MAP2K4: variants seen among roughly 807,000 people sequenced by gnomAD.
MAP2K4 encodes the protein mitogen-activated protein kinase kinase 4, also known as dual specificity mitogen-activated protein kinase kinase 4.
In MAP2K4, 4 loss-of-function variants were observed where a neutral mutation model predicts 48.5. That is an observed-to-expected ratio of 0.08 (90% CI 0.04 to 0.19). The LOEUF (loss-of-function observed/expected upper bound fraction) is 0.19, where lower values mean the gene tolerates loss of function less well. MAP2K4 is among the 10% of genes least tolerant of loss of function. The pLI, the probability that MAP2K4 is intolerant of heterozygous loss-of-function variation, is 1.00. For missense variants in MAP2K4, 258 were observed against 493.3 expected, an observed-to-expected ratio of 0.52 and a Z score of 4.52; for synonymous variants, 166 against 173.1, an observed-to-expected ratio of 0.96 and a Z score of 0.32.
chr17:12,050,397 A>G (rs976360796), intron 1 of MAP2K4, among the ~76,000 whole-genome samples: 6 of 152,218 alleles, frequency 3.9e-5, no homozygotes, highest in African/African-American at 7.2e-5. Flanking sequence ...TTTGATGGAA[A>G]CAGACTTGAG....
intron 1 of MAP2K4, among the ~76,000 whole-genome samples, chr17:12,028,399 A>G (rs1969326876): frequency 6.6e-6 from 1 of 152,242 alleles, no homozygotes. Flanking sequence ...GAAAGTTGAC[A>G]TAAGGAAATC....
At chr17:12,032,362 A>G (rs1180694989) in intron 1 of MAP2K4, 1 of 777,042 alleles carries the variant, frequency 1.3e-6, no homozygotes, top group Non-Finnish European at 1.8e-6. Context: ...GGTATTGGGA[A>G]TGTGTCCACT....
intron 2 of MAP2K4, among the ~76,000 whole-genome samples, chr17:12,066,975 C>T (rs933469407): frequency 6.6e-6 from 1 of 152,186 alleles, no homozygotes; most frequent in Non-Finnish European, 1.5e-5. Flanking sequence ...CCGCGCCCGG[C>T]CCACATGGCT....
chr17:12,021,836 G>C (rs1293206147), intron 1 of MAP2K4, among the ~76,000 whole-genome samples: 1 of 152,128 alleles, frequency 6.6e-6, no homozygotes, highest in Non-Finnish European at 1.5e-5. Context: ...GGACATTTGA[G>C]GCAGCTCTGC....
intron 1 of MAP2K4, 28 bp from the exon 2 acceptor site, chr17:12,054,861 C>T: frequency 6.7e-7 from 1 of 1,493,320 alleles, no homozygotes; most frequent in Non-Finnish European, 9.3e-7. Context: ...GTACTTGAAA[C>T]TTTTACTTTT....
At chr17:12,128,453 TA>T (rs1428886996) in intron 8 of MAP2K4, among the ~76,000 whole-genome samples, 4 of 152,278 alleles carry the variant, frequency 2.6e-5, no homozygotes, top group African/African-American at 7.2e-5. Context: ...TATTAGAGAA[TA>T]TTTTTTTTTT....
At chr17:12,028,137 T>C (rs1412548094) in intron 1 of MAP2K4, among the ~76,000 whole-genome samples, 2 of 152,178 alleles carry the variant, frequency 1.3e-5, no homozygotes, top group Non-Finnish European at 2.9e-5. Context: ...GGAACATAAT[T>C]GTAAGTTACT....
At chr17:12,065,405 T>C (rs1050168665) in intron 2 of MAP2K4, among the ~76,000 whole-genome samples, 3 of 151,640 alleles carry the variant, frequency 2.0e-5, no homozygotes, top group African/African-American at 4.8e-5. Context: ...TTGAAGTGAT[T>C]CTCCTGCCTC....
At chr17:12,047,200 G>A (rs887214953) in intron 1 of MAP2K4, among the ~76,000 whole-genome samples, 1 of 151,964 alleles carries the variant, frequency 6.6e-6, no homozygotes, top group Non-Finnish European at 1.5e-5. Context: ...TCTGAGGCCC[G>A]ATCCTGTCAG....
chr17:12,123,809 C>A (rs767090997), intron 7 of MAP2K4, among the ~76,000 whole-genome samples: 4 of 152,098 alleles, frequency 2.6e-5, no homozygotes, highest in African/African-American at 9.7e-5. Context: ...GTTGTTAAAT[C>A]TTCAGATATT....
chr17:12,038,561 A>G (rs1969676029), intron 1 of MAP2K4, among the ~76,000 whole-genome samples: 1 of 152,166 alleles, frequency 6.6e-6, no homozygotes, highest in Non-Finnish European at 1.5e-5. Context: ...AAGCACTGGG[A>G]TCCTTAAAGA....
chr17:12,127,559 C>G (rs1972892112), intron 8 of MAP2K4, among the ~76,000 whole-genome samples: 1 of 152,142 alleles, frequency 6.6e-6, no homozygotes. Flanking sequence ...TCTGTACTTA[C>G]AGTTGGTTCA....
intron 7 of MAP2K4, among the ~76,000 whole-genome samples, chr17:12,121,269 T>TA (rs1972680146): frequency 6.6e-6 from 1 of 152,212 alleles, no homozygotes; most frequent in African/African-American, 2.4e-5. Context: ...ATCCCCAAGA[T>TA]ATATTATTAT....
At chr17:12,028,783 A>G (rs965487299) in intron 1 of MAP2K4, among the ~76,000 whole-genome samples, 12 of 152,282 alleles carry the variant, frequency 7.9e-5, no homozygotes, top group Middle Eastern at 6.8e-3. Flanking sequence ...ATAGGAAACC[A>G]CTTATGTCCG....
chr17:12,020,973 A>C lies in MAP2K4; in HGVS notation c.87A>C (p.Pro29=), dbSNP rs2151500988. The C allele has an allele frequency of 1.7e-6, 2 of 1,184,914 alleles. No homozygotes were observed. The highest frequency in any genetic ancestry group is 1.0e-6 in the Non-Finnish European group (1 of 959,534). 73.4% of individuals were successfully genotyped at this position (1,184,914 alleles called of 1,614,324 possible). A position where few individuals can be genotyped will look rare whatever the true frequency, so the allele number is the denominator to read the frequency against. The change falls in exon 1 of 11, where the codon CCA becomes CCC. Residue 29 remains proline, a synonymous_variant. Transcript: ENST00000353533. ...CCGGCCCCGTAGGGTCCCCGGCGCC[A>C]GGCCACCCGGCCGTCAGCAGCATGC... The part of the protein sequence containing the change: ...GTPGPVGSPA[P]GHPAVSSMQG...
In MAP2K4 at chr17:12,107,488, A is replaced by T. The variant is rs574885197; in HGVS notation, c.514-302A>T. ...AAGAATGGTTTTCTACACATTTCCTATTTTTTTTTCTATTTTGGCAAAATT... is the reference window on the plus strand; with the variant it reads ...AAGAATGGTTTTCTACACATTTCCTTTTTTTTTTTCTATTTTGGCAAAATT... On this transcript the variant is annotated intron_variant, in intron 4 of 10. Transcript: ENST00000353533. 3.5e-3 allele frequency among the ~76,000 whole-genome samples: 390 copies of T among 111,328 alleles called. 2 individuals carry two copies. The highest frequency in any genetic ancestry group is 0.013 in the African/African-American group (378 of 28,366). 73.0% of individuals were successfully genotyped at this position (111,328 alleles called of 152,430 possible). A position where few individuals can be genotyped will look rare whatever the true frequency, so the allele number is the denominator to read the frequency against.
intron 3 of MAP2K4, 180 bp from the exon 4 acceptor site, chr17:12,095,395 C>A (rs1212232668): frequency 1.5e-6 from 1 of 685,996 alleles, no homozygotes; most frequent in Admixed American, 2.4e-5. Flanking sequence ...GTTAAACTTT[C>A]TGTGATTAAA....
At chr17:12,091,167 T>C (rs1971549830) in intron 3 of MAP2K4, among the ~76,000 whole-genome samples, 1 of 152,220 alleles carries the variant, frequency 6.6e-6, no homozygotes, top group African/African-American at 2.4e-5. Context: ...AAATTCAAGT[T>C]GTTAAAAATG....
intron 2 of MAP2K4, among the ~76,000 whole-genome samples, chr17:12,061,554 C>T (rs987786034): frequency 6.6e-6 from 1 of 152,150 alleles, no homozygotes; most frequent in African/African-American, 2.4e-5. Context: ...GATGCTAATT[C>T]TGGAATATGT....
Sources: allele counts gnomAD v4.1 joint callset (sites outside exome capture counted in the v4.1 genomes callset), GRCh38; gene constraint gnomAD v4.1.1; transcripts MANE v1.5; gene names NCBI Gene and HGNC (gene_info 2026-07-23, HGNC 2026-07-21).